DIAPH2: variants seen among roughly 807,000 people sequenced by gnomAD.
The protein encoded by DIAPH2 is protein diaphanous homolog 2.
DIAPH2 carries 35 observed loss-of-function variants against 92.7 expected under a neutral mutation model. The ratio of observed to expected loss-of-function variants is 0.38; its 90% CI spans 0.29 to 0.50. The LOEUF is 0.50. Among genes scored for constraint, DIAPH2 ranks in the 20% least tolerant of loss-of-function variants. The pLI, the probability that DIAPH2 is intolerant of heterozygous loss-of-function variation, is 0.94. For missense variants in DIAPH2, 701 were observed against 819.5 expected, an observed-to-expected ratio of 0.86 and a Z score of 1.77; for synonymous variants, 301 against 280.4, an observed-to-expected ratio of 1.07 and a Z score of -0.73.
intron 19 of DIAPH2, among the ~76,000 whole-genome samples, chrX:97,099,331 A>G (rs975727125): frequency 1.0e-4 from 11 of 109,601 alleles, no homozygotes; most frequent in Non-Finnish European, 7.6e-5. Context: ...GCGCCACTGC[A>G]CTCCAGCCAG....
chrX:96,891,968 CTTTAGA>C (rs1173332108), intron 5 of DIAPH2, among the ~76,000 whole-genome samples: 2 of 111,999 alleles, frequency 1.8e-5, no homozygotes. Context: ...GCTATCTTCC[CTTTAGA>C]TTTAAACATA....
intron 4 of DIAPH2, among the ~76,000 whole-genome samples, chrX:96,855,634 A>T (rs2065034999): frequency 9.1e-6 from 1 of 109,667 alleles, no homozygotes; most frequent in Non-Finnish European, 1.9e-5. Flanking sequence ...AATCATCCTA[A>T]GTGCTTAAAG....
intron 22 of DIAPH2, among the ~76,000 whole-genome samples, chrX:97,192,438 G>A (rs1445141770): frequency 9.0e-6 from 1 of 110,892 alleles, no homozygotes; most frequent in Non-Finnish European, 1.9e-5. Context: ...ATTTTGTAAA[G>A]CAAGAGAGTA....
intron 7 of DIAPH2, among the ~76,000 whole-genome samples, chrX:96,913,750 C>T (rs750716898): frequency 9.0e-6 from 1 of 110,581 alleles, no homozygotes; most frequent in Admixed American, 9.7e-5. Flanking sequence ...TGAAAAATTG[C>T]AGGGCTTTTT....
chrX:97,280,718 T>A (rs2147599723), intron 23 of DIAPH2, among the ~76,000 whole-genome samples: 1 of 111,101 alleles, frequency 9.0e-6, no homozygotes, highest in African/African-American at 3.3e-5. Flanking sequence ...ACAGAGAAAG[T>A]CTGCATATAC....
intron 26 of DIAPH2, among the ~76,000 whole-genome samples, chrX:97,570,117 TA>T (rs56310219): frequency 0.013 from 339 of 26,167 alleles, 2 homozygotes; most frequent in Non-Finnish European, 0.018. Flanking sequence ...TATATATATA[TA>T]TATATTAGAA....
chrX:97,247,882 C>A, intron 23 of DIAPH2, 43 bp downstream of exon 23: 1 of 1,129,115 alleles, frequency 8.9e-7, no homozygotes, highest in South Asian at 2.1e-5. Context: ...TTTTTAGTCT[C>A]TATGTCTGTC....
chrX:97,516,073 G>A (rs1458564279), intron 26 of DIAPH2, among the ~76,000 whole-genome samples: 2 of 110,432 alleles, frequency 1.8e-5, no homozygotes, highest in East Asian at 5.7e-4. Flanking sequence ...CCAGTATGGT[G>A]AAACCCCATC....
chrX:97,224,955 T>A (rs1159329847), intron 22 of DIAPH2, among the ~76,000 whole-genome samples: 2 of 111,288 alleles, frequency 1.8e-5, no homozygotes, highest in Non-Finnish European at 3.8e-5. Flanking sequence ...TTGCAGCTAG[T>A]AGAGGATCCT....
chrX:96,813,338 T>G (rs1212644433), intron 4 of DIAPH2, among the ~76,000 whole-genome samples: 3 of 110,473 alleles, frequency 2.7e-5, no homozygotes, highest in Non-Finnish European at 5.7e-5. Context: ...AGACTAGGAT[T>G]GCAACTCCTC....
At chrX:97,273,236 G>T (rs1455598288) in intron 23 of DIAPH2, among the ~76,000 whole-genome samples, 2 of 112,033 alleles carry the variant, frequency 1.8e-5, no homozygotes, top group East Asian at 5.6e-4. Context: ...TTTTGTTTCT[G>T]GTGGGGCCTC....
At chrX:97,239,090 A>C (rs940070597) in intron 22 of DIAPH2, among the ~76,000 whole-genome samples, 1 of 111,580 alleles carries the variant, frequency 9.0e-6, no homozygotes, top group African/African-American at 3.3e-5. Context: ...AAAATCCACA[A>C]ATTCCTGGAA....
chrX:97,185,437 GTATA>G (rs1168007064), intron 22 of DIAPH2, among the ~76,000 whole-genome samples: 1 of 40,529 alleles, frequency 2.5e-5, no homozygotes, highest in Non-Finnish European at 3.7e-5. Context: ...ATATATATGT[GTATA>G]TATATATGTG....
intron 24 of DIAPH2, among the ~76,000 whole-genome samples, chrX:97,363,161 G>T (rs185695405): frequency 1.4e-4 from 16 of 111,998 alleles, no homozygotes; most frequent in Admixed American, 1.2e-3. Flanking sequence ...TACAAATAGA[G>T]AACTTTACCT....
At chrX:96,921,777 G>A (rs1232984698) in intron 9 of DIAPH2, among the ~76,000 whole-genome samples, 4 of 102,053 alleles carry the variant, frequency 3.9e-5, no homozygotes, top group Non-Finnish European at 7.9e-5. Context: ...TGTTCTATCC[G>A]TGGTCCTCTT....
intron 17 of DIAPH2, among the ~76,000 whole-genome samples, chrX:97,030,031 C>G (rs1252159501): frequency 9.0e-6 from 1 of 111,695 alleles, no homozygotes; most frequent in African/African-American, 3.2e-5. Flanking sequence ...CCACCATTAC[C>G]TTCTCTGATG....
chrX:97,035,769 G>A (rs1369953520), intron 17 of DIAPH2, among the ~76,000 whole-genome samples: 2 of 110,788 alleles, frequency 1.8e-5, no homozygotes, highest in African/African-American at 6.6e-5. Flanking sequence ...AGCACTTTGG[G>A]AGGCTGAGAT....
At chrX:97,129,481 TC>T (rs1349607201) in intron 21 of DIAPH2, among the ~76,000 whole-genome samples, 1 of 111,013 alleles carries the variant, frequency 9.0e-6, no homozygotes, top group Non-Finnish European at 1.9e-5. Flanking sequence ...CATTTTTCAT[TC>T]ATACTTATGA....
intron 26 of DIAPH2, among the ~76,000 whole-genome samples, chrX:97,435,018 A>G (rs1273026961): frequency 9.0e-6 from 1 of 111,614 alleles, no homozygotes; most frequent in Non-Finnish European, 1.9e-5. Flanking sequence ...GGCAGGTAGG[A>G]GAATCCAGAC....
Sources: gnomAD v4.1 joint callset for allele counts (sites outside exome capture counted in the v4.1 genomes callset) on GRCh38, gnomAD v4.1.1 for gene constraint, MANE v1.5 for transcripts, NCBI Gene and HGNC (gene_info 2026-07-23, HGNC 2026-07-21) for gene names.